Variants in STRBP observed in about 807,000 individuals in gnomAD.
STRBP encodes spermatid perinuclear RNA-binding protein.
Under a neutral mutation model 80.1 loss-of-function variants are expected in STRBP, and 13 were observed. The ratio of observed to expected loss-of-function variants is 0.16; its 90% confidence interval spans 0.11 to 0.26. The LOEUF (loss-of-function observed/expected upper bound fraction) is 0.26. Among genes scored for constraint, STRBP ranks in the 10% least tolerant of loss-of-function variants. The pLI is 1.00. For missense variants in STRBP, 485 were observed against 815.2 expected (o/e 0.59, Z 4.93); for synonymous variants, 284 against 291.2 (o/e 0.98, Z 0.25).
Position 123,125,051 on chromosome 9 carries a change from T to G in STRBP, c.*546A>C. Reference sequence around the variant, plus strand: ...AGCTAAAACAATATTCAAACCCATATTTTATTGGCTTTATTACACACTTCA... The same window carrying G: ...AGCTAAAACAATATTCAAACCCATAGTTTATTGGCTTTATTACACACTTCA... On this transcript the variant is annotated 3_prime_UTR_variant, in exon 19 of 19. Coordinates refer to ENST00000348403, the MANE Select transcript of STRBP (RefSeq NM_018387.5). The G allele has an allele frequency of 1.0e-6, 1 of 985,254 alleles. No homozygotes were observed. The highest frequency in any genetic ancestry group is 1.2e-6 in the Non-Finnish European group (1 of 829,356). The allele number at this position is 985,254 out of a possible 1,614,324, so 61.0% of individuals were successfully genotyped here.
At chr9:123,149,468 T>C (rs2036963675) in intron 11 of STRBP, among the ~76,000 whole-genome samples, 1 of 152,232 alleles carries the variant, frequency 6.6e-6, no homozygotes, top group South Asian at 2.1e-4. Context: ...AATCACAAGC[T>C]AGCTTAAATG....
intron 2 of STRBP, among the ~76,000 whole-genome samples, chr9:123,211,707 A>G (rs1286327334): frequency 1.3e-5 from 2 of 152,220 alleles, no homozygotes; most frequent in African/African-American, 4.8e-5. Context: ...CGGTTCAACT[A>G]TAAAGAGTTG....
chr9:123,182,685 A>C (rs2132462232), intron 3 of STRBP, among the ~76,000 whole-genome samples: 1 of 152,292 alleles, frequency 6.6e-6, no homozygotes, highest in South Asian at 2.1e-4. Flanking sequence ...TCCTTGGCAC[A>C]AATATTTTTA....
intron 6 of STRBP, among the ~76,000 whole-genome samples, chr9:123,169,495 T>A (rs1357437204): frequency 2.0e-5 from 3 of 152,146 alleles, no homozygotes; most frequent in African/African-American, 7.2e-5. Flanking sequence ...TTTGGAGCAA[T>A]GAGTAAATTT....
At chr9:123,225,978 T>C (rs2040223281) in intron 2 of STRBP, among the ~76,000 whole-genome samples, 1 of 152,180 alleles carries the variant, frequency 6.6e-6, no homozygotes. Context: ...GAAATGAAAA[T>C]GTTTATAGCA....
intron 2 of STRBP, among the ~76,000 whole-genome samples, chr9:123,189,226 G>A (rs1237910111): frequency 1.4e-5 from 2 of 145,606 alleles, no homozygotes; most frequent in East Asian, 2.1e-4. Context: ...ACCAAACACC[G>A]CATGTTCTCA....
chr9:123,243,590 T>C (rs1447366426), intron 1 of STRBP, among the ~76,000 whole-genome samples: 1 of 152,032 alleles, frequency 6.6e-6, no homozygotes, highest in African/African-American at 2.4e-5. Flanking sequence ...CTAACTAGAA[T>C]ATATAAAGAA....
chr9:123,251,497 G>A (rs946168112), intron 1 of STRBP, among the ~76,000 whole-genome samples: 2 of 152,116 alleles, frequency 1.3e-5, no homozygotes, highest in Non-Finnish European at 2.9e-5. Flanking sequence ...CACTTTACCA[G>A]GTAACCTTCA....
chr9:123,193,654 A>T (rs945915236), intron 2 of STRBP, among the ~76,000 whole-genome samples: 1 of 151,890 alleles, frequency 6.6e-6, no homozygotes, highest in Admixed American at 6.6e-5. Flanking sequence ...TATTTTAGAC[A>T]AACACGCCCC....
At chr9:123,225,654 C>T (rs943602838) in intron 2 of STRBP, among the ~76,000 whole-genome samples, 1 of 152,158 alleles carries the variant, frequency 6.6e-6, no homozygotes, top group African/African-American at 2.4e-5. Flanking sequence ...ATTCTACCTA[C>T]AGTGTCTAGC....
chr9:123,191,486 T>TAA (rs2038924503), intron 2 of STRBP, among the ~76,000 whole-genome samples: 1 of 152,112 alleles, frequency 6.6e-6, no homozygotes, highest in African/African-American at 2.4e-5. Flanking sequence ...ACTTTTTCTT[T>TAA]AAAGTGCCAG....
At chr9:123,154,702 T>G (rs572487714) in intron 11 of STRBP, among the ~76,000 whole-genome samples, 78 of 152,226 alleles carry the variant, frequency 5.1e-4, no homozygotes, top group African/African-American at 1.5e-3. Flanking sequence ...GACTGAAAAC[T>G]AACCAGTGAA....
intron 2 of STRBP, among the ~76,000 whole-genome samples, chr9:123,190,525 T>G (rs2038885671): frequency 1.3e-5 from 2 of 151,016 alleles, no homozygotes; most frequent in Admixed American, 1.3e-4. Context: ...CAATAGCTAA[T>G]ATAAAATCCT....
chr9:123,173,539 G>A (rs1443350286), intron 5 of STRBP, 138 bp downstream of exon 5: 13 of 814,100 alleles, frequency 1.6e-5, no homozygotes, highest in Non-Finnish European at 2.0e-5. Context: ...ATTAGTCATT[G>A]ACCCAGAGTA....
At chr9:123,266,977 T>C (rs1272806729) in intron 1 of STRBP, among the ~76,000 whole-genome samples, 2 of 151,664 alleles carry the variant, frequency 1.3e-5, no homozygotes, top group Admixed American at 1.3e-4. Flanking sequence ...GTCTATCCCG[T>C]TGTCCCCCTC....
At chr9:123,161,215 C>T (rs2037511234) in intron 6 of STRBP, 147 bp from the exon 7 acceptor site, 1 of 603,868 alleles carries the variant, frequency 1.7e-6, no homozygotes. Context: ...GGCTGTGTTG[C>T]TTTTTAAAAA....
intron 3 of STRBP, chr9:123,112,704 AGTTGC>A (rs2035586973): frequency 6.0e-6 from 1 of 167,260 alleles, no homozygotes; most frequent in South Asian, 2.1e-4. Context: ...CCCCAGGGGT[AGTTGC>A]TTCCACCTCC....
At chr9:123,147,672 G>A (rs1361671231) in intron 12 of STRBP, 106 bp downstream of exon 12, 5 of 825,594 alleles carry the variant, frequency 6.1e-6, no homozygotes, top group Admixed American at 7.7e-5. Context: ...AATGAGAACC[G>A]ATCTCAAAAA....
At position 123,159,672 on chromosome 9, in the gene STRBP, C is replaced by T. The variant is rs532983076; in HGVS notation, c.724-465G>A. On this transcript the variant is annotated intron_variant, in intron 8 of 18. Transcript: ENST00000348403. ...AAGTATTACCATTAGAATAAACAAA[C>T]GACCAAATGTCCATGTTCAATAAAC... is the stretch of plus-strand genomic sequence containing the variant. Among the ~76,000 whole-genome samples the T allele has an allele frequency of 5.3e-5, 8 of 152,192 alleles. No individual in the cohort carries two copies. The East Asian group carries it at 7.7e-4, about 15-fold the overall frequency.
Sources: gnomAD v4.1 joint callset for allele counts (sites outside exome capture counted in the v4.1 genomes callset) on GRCh38, gnomAD v4.1.1 for gene constraint, MANE v1.5 for transcripts, NCBI Gene and HGNC (gene_info 2026-07-23, HGNC 2026-07-21) for gene names.